The following ARHGEF3 variants were observed in gnomAD, a reference collection of about 807,000 sequenced individuals.
ARHGEF3 encodes the protein 59.8 kDA protein.
A neutral mutation model predicts 63.2 loss-of-function variants in ARHGEF3; 28 were observed. The ratio of observed to expected loss-of-function variants is 0.44; its 90% CI spans 0.33 to 0.61. ARHGEF3 has a LOEUF of 0.61. Among genes scored for constraint, ARHGEF3 ranks in the 20% least tolerant of loss-of-function variants. ARHGEF3 has a pLI of 0.03. For synonymous variants in ARHGEF3, 266 were observed against 254.2 expected, an observed-to-expected ratio of 1.05 and a Z score of -0.44; for missense variants, 533 against 659.3, an observed-to-expected ratio of 0.81 and a Z score of 2.10.
At chr3:56,942,032 A>G (rs1699213422) in intron 3 of ARHGEF3, among the ~76,000 whole-genome samples, 1 of 152,220 alleles carries the variant, frequency 6.6e-6, no homozygotes, top group Non-Finnish European at 1.5e-5. Context: ...AAGTTTTCCC[A>G]TTTGAAAACT....
intron 2 of ARHGEF3, among the ~76,000 whole-genome samples, chr3:56,979,388 C>T (rs889116269): frequency 6.6e-6 from 1 of 152,238 alleles, no homozygotes; most frequent in Non-Finnish European, 1.5e-5. Flanking sequence ...CCATTGCATC[C>T]GTGGTAGGGC....
intron 2 of ARHGEF3, among the ~76,000 whole-genome samples, chr3:56,963,139 C>A (rs1700350960): frequency 6.6e-6 from 1 of 151,932 alleles, no homozygotes; most frequent in South Asian, 2.1e-4. Flanking sequence ...CCCTCTGAGC[C>A]TCCATTTTCT....
intron 2 of ARHGEF3, among the ~76,000 whole-genome samples, chr3:57,020,431 C>T (rs1456707226): frequency 6.6e-6 from 1 of 152,158 alleles, no homozygotes; most frequent in Non-Finnish European, 1.5e-5. Flanking sequence ...CCTGGCCTTC[C>T]CATTGGGGGA....
intron 3 of ARHGEF3, among the ~76,000 whole-genome samples, chr3:56,897,586 G>T (rs1409476220): frequency 6.7e-6 from 1 of 150,196 alleles, no homozygotes; most frequent in East Asian, 1.9e-4. Context: ...TTTTGAGATG[G>T]AGTCTCCCTC....
intron 2 of ARHGEF3, among the ~76,000 whole-genome samples, chr3:56,991,729 C>T (rs1701752566): frequency 6.6e-6 from 1 of 152,164 alleles, no homozygotes; most frequent in South Asian, 2.1e-4. Flanking sequence ...ATTCTCCCAC[C>T]TCCGCCTCCC....
Position 56,821,373 on chromosome 3 carries a change from A to C in ARHGEF3, c.193-47557T>G, listed in dbSNP as rs141870998. On this transcript the variant is annotated intron_variant, in intron 4 of 12. Coordinates refer to the ARHGEF3 transcript ENST00000338458. ...TCCTCTCTACTTTTCCAGTATAAGC[A>C]GATCACAAGGTATCATGATTAACAA... is the stretch of plus-strand genomic sequence containing the variant. 3.9e-3 allele frequency among the ~76,000 whole-genome samples: 599 copies of C among 152,366 alleles called. 2 individuals are homozygous for C. Among genetic ancestry groups the C allele is most frequent in the African/African-American group, 0.014 (584 of 41,584 alleles).
At chr3:56,794,840 TA>T (rs1341869418) in intron 1 of ARHGEF3, among the ~76,000 whole-genome samples, 2 of 152,146 alleles carry the variant, frequency 1.3e-5, no homozygotes, top group Non-Finnish European at 2.9e-5. Flanking sequence ...TGTTATTTTT[TA>T]TTGTTTTATT....
rs140666040 is a variant in ARHGEF3 at position 56,728,449 on chromosome 3, C to T, written c.*821G>A. On this transcript the variant is annotated 3_prime_UTR_variant, in exon 10 of 10. Transcript: ENST00000296315. ...AATGAGTAGGCCTAGGCAGATGAAACACAATGAATACAGGGCCTTCTTGTT... is the reference window on the plus strand; with the variant it reads ...AATGAGTAGGCCTAGGCAGATGAAATACAATGAATACAGGGCCTTCTTGTT... 657 of 152,738 alleles carry T rather than the reference C, an allele frequency of 4.3e-3. 11 individuals carry two copies. The highest frequency in any genetic ancestry group is 0.015 in the African/African-American group (630 of 41,572). 9.5% of individuals were successfully genotyped at this position (152,738 alleles called of 1,614,324 possible).
chr3:56,783,112 A>G (rs1450215894), intron 1 of ARHGEF3, among the ~76,000 whole-genome samples: 1 of 152,106 alleles, frequency 6.6e-6, no homozygotes, highest in Non-Finnish European at 1.5e-5. Flanking sequence ...AGCTCACACA[A>G]TGCTGGCAGG....
At chr3:56,924,462 C>G (rs2042227551) in intron 3 of ARHGEF3, among the ~76,000 whole-genome samples, 1 of 152,164 alleles carries the variant, frequency 6.6e-6, no homozygotes, top group Non-Finnish European at 1.5e-5. Context: ...AGAAAGAATT[C>G]AGGGCAAGTC....
intron 4 of ARHGEF3, among the ~76,000 whole-genome samples, chr3:56,856,454 T>C (rs2039884912): frequency 6.6e-6 from 1 of 152,186 alleles, no homozygotes. Context: ...AAACTGACAC[T>C]GTCTTTCATT....
At chr3:56,780,131 C>T (rs1481139398) in intron 1 of ARHGEF3, among the ~76,000 whole-genome samples, 1 of 152,146 alleles carries the variant, frequency 6.6e-6, no homozygotes, top group Non-Finnish European at 1.5e-5. Flanking sequence ...GGACTATACA[C>T]CTCTGCTTCA....
chr3:56,801,976 C>G (rs1040079010), upstream of ARHGEF3: 4 of 1,287,264 alleles, frequency 3.1e-6, no homozygotes, highest in African/African-American at 6.1e-5. Context: ...TGGGCGGGAC[C>G]GTGCCAGCCA....
chr3:56,744,127 C>A (rs2107729726), intron 7 of ARHGEF3, among the ~76,000 whole-genome samples: 1 of 152,262 alleles, frequency 6.6e-6, no homozygotes, highest in South Asian at 2.1e-4. Flanking sequence ...TCTCAGAGGA[C>A]CCCTAACCCC....
intron 2 of ARHGEF3, among the ~76,000 whole-genome samples, chr3:57,034,624 G>T: frequency 6.8e-6 from 1 of 146,616 alleles, no homozygotes; most frequent in African/African-American, 2.5e-5. Context: ...AGATGTGGAA[G>T]AAAATATGTG....
chr3:57,073,585 CAG>C, intron 1 of ARHGEF3: 1 of 1,454,464 alleles, frequency 6.9e-7, no homozygotes, highest in Non-Finnish European at 9.0e-7. Flanking sequence ...TGAATTGGAA[CAG>C]TGCACTCAGA....
intron 3 of ARHGEF3, among the ~76,000 whole-genome samples, chr3:56,917,328 G>T (rs1397096916): frequency 6.6e-6 from 1 of 152,066 alleles, no homozygotes; most frequent in African/African-American, 2.4e-5. Context: ...TTATCTAATG[G>T]GGTAGTATTT....
intron 1 of ARHGEF3, among the ~76,000 whole-genome samples, chr3:57,039,589 G>T (rs1338238784): frequency 6.6e-6 from 1 of 152,162 alleles, no homozygotes; most frequent in African/African-American, 2.4e-5. Context: ...GGTCAGAAAT[G>T]GGTCTACATG....
chr3:56,887,032 G>T lies in ARHGEF3; in HGVS notation c.130-4678C>A, dbSNP rs1332550831. Among the ~76,000 whole-genome samples, 4 of 152,322 alleles carry T rather than the reference G, an allele frequency of 2.6e-5. No homozygotes were observed. The East Asian group carries it at 7.7e-4, about 29-fold the overall frequency. On this transcript the variant is annotated intron_variant, in intron 3 of 12. Coordinates refer to the ARHGEF3 transcript ENST00000338458. ...AACCTTTATTCTACTAGAGAGACTG[G>T]TCTTCAAGACCACAGCACACACTGT...
Sources: allele counts gnomAD v4.1 joint callset (sites outside exome capture counted in the v4.1 genomes callset), GRCh38; gene constraint gnomAD v4.1.1; transcripts MANE v1.5; gene names NCBI Gene and HGNC (gene_info 2026-07-23, HGNC 2026-07-21).